Variants in AANAT observed in about 807,000 individuals in gnomAD.
AANAT encodes the protein aralkylamine N-acetyltransferase, also known as serotonin N-acetyltransferase.
Under a neutral mutation model 15.6 loss-of-function variants are expected in AANAT, and 11 were observed. That is an observed-to-expected ratio of 0.71 (90% CI 0.44 to 1.17). AANAT has a LOEUF of 1.17. Ranked by LOEUF, AANAT falls within the 50% of genes most tolerant of loss-of-function variation. AANAT has a pLI of 0.00. For synonymous variants in AANAT, 139 were observed against 131.5 expected (o/e 1.06, Z -0.39); for missense variants, 286 against 296.3 (o/e 0.97, Z 0.26).
In AANAT at chr17:76,467,680, G is replaced by T. The variant is rs1598639756; in HGVS notation, c.-123G>T. 1.0e-6 allele frequency: 1 copy of T among 985,498 alleles called. No homozygotes were observed. Among genetic ancestry groups the T allele is most frequent in the East Asian group, 1.1e-4 (1 of 8,814 alleles). The allele number at this position is 985,498 out of a possible 1,614,324, so 61.0% of individuals were successfully genotyped here. ...CCGTGCCTGCGGACAGGCCCCCAGG[G>T]CTAGCGGCTTTGTGGAGGGAACACT... On this transcript the variant is annotated 5_prime_UTR_variant, in exon 1 of 4. Coordinates refer to ENST00000392492, the MANE Select transcript of AANAT (RefSeq NM_001088.3).
intron 1 of AANAT, among the ~76,000 whole-genome samples, chr17:76,468,140 G>A (rs543880266): frequency 1.3e-5 from 2 of 152,186 alleles, no homozygotes; most frequent in Admixed American, 1.3e-4. Context: ...AGGACCAAGG[G>A]CTGAGGCTAC....
chr17:76,455,477 A>G (rs2073335281), intron 1 of AANAT, among the ~76,000 whole-genome samples: 1 of 152,154 alleles, frequency 6.6e-6, no homozygotes, highest in Non-Finnish European at 1.5e-5. Flanking sequence ...CTCTAATTTA[A>G]TGTGTCACCT....
chr17:76,456,732 T>C (rs1179196918), intron 1 of AANAT, among the ~76,000 whole-genome samples: 1 of 152,230 alleles, frequency 6.6e-6, no homozygotes, highest in Non-Finnish European at 1.5e-5. Flanking sequence ...TGCCCCCTGA[T>C]AACATAGCAT....
chr17:76,465,416 G>A (rs1472870411), upstream of AANAT, among the ~76,000 whole-genome samples: 1 of 150,042 alleles, frequency 6.7e-6, no homozygotes, highest in African/African-American at 2.5e-5. Flanking sequence ...CATCACTGCA[G>A]CCTGAACCAC....
At chr17:76,466,112 A>T, upstream of AANAT, 1 of 1,425,848 alleles carries the variant, frequency 7.0e-7, no homozygotes, top group Admixed American at 2.0e-5. Context: ...GGCCGATTGA[A>T]CAGCAGGCTC....
At chr17:76,457,146 G>A (rs1185231010) in intron 1 of AANAT, among the ~76,000 whole-genome samples, 1 of 152,090 alleles carries the variant, frequency 6.6e-6, no homozygotes, top group African/African-American at 2.4e-5. Context: ...AGGTTCCAGC[G>A]ATTCTCCTGC....
chr17:76,468,117 TAAGGGGCTCTCTAGGACC>T (rs1190496260), intron 1 of AANAT, among the ~76,000 whole-genome samples: 1 of 152,094 alleles, frequency 6.6e-6, no homozygotes, highest in Non-Finnish European at 1.5e-5. Context: ...CCACTTTGAT[TAAGGGGCTCTCTAGGACC>T]AAGGGCTGAG....
At chr17:76,458,604 G>A (rs1400448622) in intron 1 of AANAT, among the ~76,000 whole-genome samples, 1 of 152,188 alleles carries the variant, frequency 6.6e-6, no homozygotes, top group Non-Finnish European at 1.5e-5. Context: ...TAAGTGGGGT[G>A]GGTGGTGTGC....
chr17:76,466,603 C>T (rs1010323924), upstream of AANAT, among the ~76,000 whole-genome samples: 1 of 152,098 alleles, frequency 6.6e-6, no homozygotes, highest in African/African-American at 2.4e-5. Context: ...CCAGTGCAGC[C>T]GTGGCAGTGC....
At chr17:76,454,096 A>G (rs2073312224) in intron 1 of AANAT, among the ~76,000 whole-genome samples, 1 of 152,220 alleles carries the variant, frequency 6.6e-6, no homozygotes, top group Non-Finnish European at 1.5e-5. Context: ...AAGCTTAACC[A>G]TTGTTGTACT....
At position 76,455,882 on chromosome 17, in the gene AANAT, G is replaced by A. The variant is rs138996637; in HGVS notation, c.-576+2100G>A. Among the ~76,000 whole-genome samples the A allele has an allele frequency of 1.6e-3, 244 of 152,046 alleles. 1 individual carries two copies. Among genetic ancestry groups the A allele is most frequent in the South Asian group, 4.2e-3 (20 of 4,818 alleles). On this transcript the variant is annotated intron_variant, in intron 1 of 6. Coordinates refer to the AANAT transcript ENST00000250615. ...CACAAAATTAGCCAGGTGTAGTGGC[G>A]CATGCTTGTAGTCCCAGCTACTCGG...
Position 76,469,861 on chromosome 17 carries a change from G to A in AANAT, c.515G>A (p.Ser172Asn). The A allele has an allele frequency of 6.2e-7, 1 of 1,600,740 alleles. No homozygotes were observed. Among genetic ancestry groups the A allele is most frequent in the Non-Finnish European group, 8.5e-7 (1 of 1,175,170 alleles). The change falls in exon 4 of 4, where the codon AGC becomes AAC. Residue 172 changes from serine to asparagine, a missense_variant. By Grantham distance (46) the Ser-to-Asn change is conservative. Transcript: ENST00000392492. The surrounding 1 kb of genome is among the most constrained non-coding windows in gnomAD (Gnocchi z 5.2). ...CTGGTACCCTTCTATGAGAGGTTCA[G>A]CTTCCACGCCGTGGGCCCCTGCGCC... ...DALVPFYERF[S>N]FHAVGPCAIT...
chr17:76,457,327 C>G (rs1447333849), intron 1 of AANAT, among the ~76,000 whole-genome samples: 2 of 152,188 alleles, frequency 1.3e-5, no homozygotes, highest in South Asian at 4.1e-4. Context: ...CAGGCATAAG[C>G]CACCGCACCC....
chr17:76,462,393 G>A (rs2073397235), exon 3 of AANAT: 1 of 152,278 alleles, frequency 6.6e-6, no homozygotes, highest in South Asian at 2.1e-4. Flanking sequence ...GCAGTGGGCA[G>A]GACTGCTGAC....
At chr17:76,467,285 TC>T (rs1187911672), upstream of AANAT, among the ~76,000 whole-genome samples, 2 of 151,952 alleles carry the variant, frequency 1.3e-5, no homozygotes, top group African/African-American at 4.8e-5. Flanking sequence ...TCCCACCCCC[TC>T]CCCCCACATA....
chr17:76,460,112 A>G (rs1359615451), intron 2 of AANAT, among the ~76,000 whole-genome samples: 3 of 138,136 alleles, frequency 2.2e-5, no homozygotes, highest in African/African-American at 8.5e-5. Context: ...CTCCAGCCTC[A>G]GTCACCTACT....
chr17:76,465,081 G>GC (rs2073424551), upstream of AANAT, among the ~76,000 whole-genome samples: 1 of 152,116 alleles, frequency 6.6e-6, no homozygotes, highest in African/African-American at 2.4e-5. Flanking sequence ...ACAGGCATGA[G>GC]CCACCGTGCC....
chr17:76,466,572 T>A (rs1481698602), upstream of AANAT, among the ~76,000 whole-genome samples: 1 of 151,654 alleles, frequency 6.6e-6, no homozygotes, highest in Non-Finnish European at 1.5e-5. Flanking sequence ...AGGAGTCTCA[T>A]TGTGAGATGA....
At chr17:76,464,042 G>C (rs79796247), upstream of AANAT, among the ~76,000 whole-genome samples, 5,239 of 152,108 alleles carry the variant, frequency 0.034, 146 homozygotes, top group South Asian at 0.11. Context: ...AACTGCTATA[G>C]AATATTCTGG....
Sources: allele counts gnomAD v4.1 joint callset (sites outside exome capture counted in the v4.1 genomes callset), GRCh38; gene constraint gnomAD v4.1.1; non-coding constraint Gnocchi (gnomAD v3.1); transcripts MANE v1.5; gene names NCBI Gene and HGNC (gene_info 2026-07-23, HGNC 2026-07-21).